The following SMOC2 variants were observed in gnomAD, a reference collection of about 807,000 sequenced individuals.
SMOC2 encodes SPARC-related modular calcium-binding protein 2.
Under a neutral mutation model 61.4 loss-of-function variants are expected in SMOC2, and 39 were observed. The ratio of observed to expected loss-of-function variants is 0.64; its 90% CI spans 0.49 to 0.83. SMOC2 has a LOEUF of 0.83. Ranked by LOEUF, SMOC2 falls within the 40% of genes least tolerant of loss-of-function variation. SMOC2 has a pLI of 0.00. For synonymous variants in SMOC2, 247 were observed against 239.9 expected, an observed-to-expected ratio of 1.03 and a Z score of -0.27; for missense variants, 556 against 592.9, an observed-to-expected ratio of 0.94 and a Z score of 0.65.
chr6:168,634,181 G>A (rs781733018), intron 9 of SMOC2, among the ~76,000 whole-genome samples: 4 of 152,152 alleles, frequency 2.6e-5, no homozygotes, highest in Non-Finnish European at 5.9e-5. Context: ...CACAGGCTTT[G>A]CAGTCTGGCT....
chr6:168,576,012 C>T (rs1784796206), intron 7 of SMOC2, among the ~76,000 whole-genome samples: 1 of 148,840 alleles, frequency 6.7e-6, no homozygotes, highest in African/African-American at 2.5e-5. Context: ...GGGTTAGAGG[C>T]AGGACTTTGG....
intron 9 of SMOC2, among the ~76,000 whole-genome samples, chr6:168,645,836 C>T (rs981515127): frequency 1.3e-5 from 2 of 152,156 alleles, no homozygotes; most frequent in Admixed American, 6.5e-5. Flanking sequence ...AAGGCATTCC[C>T]GGGGTCCCTG....
chr6:168,463,449 G>A (rs1781758167), intron 1 of SMOC2, among the ~76,000 whole-genome samples: 2 of 152,166 alleles, frequency 1.3e-5, no homozygotes, highest in Admixed American at 1.3e-4. Context: ...AGGGGTTTGA[G>A]AGGTTACTAA....
chr6:168,488,823 C>G (rs547221574), intron 1 of SMOC2, among the ~76,000 whole-genome samples: 3 of 147,644 alleles, frequency 2.0e-5, no homozygotes, highest in African/African-American at 7.5e-5. Context: ...GGAAATATAT[C>G]GAATCATCTG....
intron 11 of SMOC2, among the ~76,000 whole-genome samples, chr6:168,663,749 T>G (rs891762950): frequency 2.0e-5 from 3 of 152,196 alleles, no homozygotes; most frequent in Admixed American, 2.0e-4. Flanking sequence ...TAGCAAGTAT[T>G]TACACAGCAT....
chr6:168,499,480 C>T (rs934036270), intron 1 of SMOC2, among the ~76,000 whole-genome samples: 6 of 152,150 alleles, frequency 3.9e-5, no homozygotes, highest in Non-Finnish European at 5.9e-5. Context: ...GCCCAGAGAC[C>T]GATGAGCTAT....
At chr6:168,634,538 G>C (rs1442678891) in intron 9 of SMOC2, among the ~76,000 whole-genome samples, 1 of 152,166 alleles carries the variant, frequency 6.6e-6, no homozygotes, top group Non-Finnish European at 1.5e-5. Context: ...CCTCACTGAA[G>C]AGAACGTTGT....
chr6:168,613,028 C>T (rs1307971550), intron 9 of SMOC2, among the ~76,000 whole-genome samples: 1 of 152,238 alleles, frequency 6.6e-6, no homozygotes, highest in Non-Finnish European at 1.5e-5. Flanking sequence ...GGTTTTCCGG[C>T]TGACTCTCAT....
intron 9 of SMOC2, among the ~76,000 whole-genome samples, chr6:168,628,498 A>G (rs1007910465): frequency 1.3e-5 from 2 of 152,272 alleles, no homozygotes; most frequent in Non-Finnish European, 2.9e-5. Flanking sequence ...GACACTCTGT[A>G]GTAGATACTA....
chr6:168,624,889 A>G (rs1184456943), intron 9 of SMOC2, among the ~76,000 whole-genome samples: 3 of 151,874 alleles, frequency 2.0e-5, no homozygotes, highest in Non-Finnish European at 4.4e-5. Flanking sequence ...ACACAAACAC[A>G]GATACATAAA....
At chr6:168,494,387 G>A (rs1478197816) in intron 1 of SMOC2, among the ~76,000 whole-genome samples, 1 of 152,188 alleles carries the variant, frequency 6.6e-6, no homozygotes, top group East Asian at 1.9e-4. Context: ...CATGAAAAGA[G>A]TGAATACTTT....
At chr6:168,531,978 G>C (rs1783615011) in intron 4 of SMOC2, among the ~76,000 whole-genome samples, 1 of 152,154 alleles carries the variant, frequency 6.6e-6, no homozygotes, top group South Asian at 2.1e-4. Context: ...AAATGGTGTG[G>C]TGCCTTGGAT....
At chr6:168,646,575 G>A (rs1787037789) in intron 9 of SMOC2, among the ~76,000 whole-genome samples, 1 of 152,196 alleles carries the variant, frequency 6.6e-6, no homozygotes, top group Non-Finnish European at 1.5e-5. Context: ...CTTAAAATAA[G>A]GACGTTTCAT....
At chr6:168,583,351 C>T (rs114259418) in intron 7 of SMOC2, among the ~76,000 whole-genome samples, 1 of 151,678 alleles carries the variant, frequency 6.6e-6, no homozygotes, top group Non-Finnish European at 1.5e-5. Context: ...CCTTTCCTCA[C>T]CCCTTCCCAG....
chr6:168,450,236 G>C (rs1159392351), intron 1 of SMOC2, among the ~76,000 whole-genome samples: 2 of 152,170 alleles, frequency 1.3e-5, no homozygotes, highest in Admixed American at 6.5e-5. Flanking sequence ...AAGATAATGT[G>C]AGCATTCTGG....
At chr6:168,443,280 T>G (rs769411851) in intron 1 of SMOC2, among the ~76,000 whole-genome samples, 4 of 152,184 alleles carry the variant, frequency 2.6e-5, no homozygotes, top group Non-Finnish European at 2.9e-5. Context: ...TAGAACAGTT[T>G]AAGACTCGGC....
intron 1 of SMOC2, among the ~76,000 whole-genome samples, chr6:168,441,876 C>G (rs1421598994): frequency 6.6e-6 from 1 of 152,142 alleles, no homozygotes; most frequent in Non-Finnish European, 1.5e-5. Context: ...GGAGCGCCGG[C>G]GCCGCCCCGC....
intron 1 of SMOC2, among the ~76,000 whole-genome samples, chr6:168,472,514 T>C (rs770170503): frequency 1.1e-4 from 16 of 152,100 alleles, no homozygotes; most frequent in Non-Finnish European, 2.2e-4. Context: ...TAAAAGACAT[T>C]TTTTAAAAAG....
chr6:168,619,917 A>G (rs148951975), intron 9 of SMOC2, among the ~76,000 whole-genome samples: 4 of 152,274 alleles, frequency 2.6e-5, no homozygotes, highest in African/African-American at 7.2e-5. Context: ...CTTTTACTCT[A>G]CGTACCAGTC....
Sources: allele counts gnomAD v4.1 joint callset (sites outside exome capture counted in the v4.1 genomes callset), GRCh38; gene constraint gnomAD v4.1.1; transcripts MANE v1.5; gene names NCBI Gene and HGNC (gene_info 2026-07-23, HGNC 2026-07-21).